The following SUGCT variants were observed in gnomAD, a reference collection of about 807,000 sequenced individuals.
The protein encoded by SUGCT is succinyl-CoA:glutarate CoA-transferase.
In SUGCT, 41 loss-of-function variants were observed where a neutral mutation model predicts 55.0. The observed-to-expected ratio is 0.74, with a 90% CI of 0.58 to 0.97. SUGCT has a LOEUF of 0.97. SUGCT is among the 50% of genes least tolerant of loss of function. The pLI is 0.00. For missense variants in SUGCT, 568 were observed against 547.8 expected (o/e 1.04, Z -0.37); for synonymous variants, 187 against 200.4 (o/e 0.93, Z 0.56).
intron 6 of SUGCT, among the ~76,000 whole-genome samples, chr7:40,196,574 T>C (rs1786302931): frequency 2.0e-5 from 3 of 152,206 alleles, no homozygotes; most frequent in Admixed American, 6.5e-5. Context: ...GAGAATGCCC[T>C]ACCCATATGG....
At chr7:40,487,502 A>G (rs975858283) in intron 11 of SUGCT, among the ~76,000 whole-genome samples, 1 of 151,850 alleles carries the variant, frequency 6.6e-6, no homozygotes, top group Non-Finnish European at 1.5e-5. Flanking sequence ...GTTGGATGGA[A>G]TGTTCTACAT....
chr7:40,832,132 G>C (rs182133745), intron 13 of SUGCT, among the ~76,000 whole-genome samples: 2 of 152,106 alleles, frequency 1.3e-5, no homozygotes, highest in Admixed American at 1.3e-4. Context: ...CCCTGTGTGC[G>C]TCCGGGTATC....
intron 12 of SUGCT, among the ~76,000 whole-genome samples, chr7:40,603,034 C>T (rs547058017): frequency 1.1e-4 from 16 of 152,290 alleles, no homozygotes; most frequent in African/African-American, 3.8e-4. Flanking sequence ...ACAGAACTCT[C>T]ATGTGAACTT....
the SUGCT span, among the ~76,000 whole-genome samples, chr7:41,002,309 C>A: frequency 6.6e-6 from 1 of 152,208 alleles, no homozygotes; most frequent in African/African-American, 2.4e-5. Flanking sequence ...GCATGAACCA[C>A]TGTGCCCGGT....
At chr7:40,234,016 G>A (rs1788869506) in intron 6 of SUGCT, among the ~76,000 whole-genome samples, 1 of 152,048 alleles carries the variant, frequency 6.6e-6, no homozygotes, top group Non-Finnish European at 1.5e-5. Context: ...GAAATACTTA[G>A]AAGTTGTAAT....
At chr7:40,905,384 GAA>G in the SUGCT span, among the ~76,000 whole-genome samples, 1 of 152,118 alleles carries the variant, frequency 6.6e-6, no homozygotes, top group Non-Finnish European at 1.5e-5. Flanking sequence ...AAATATTAAT[GAA>G]AAGAGATGAT....
At chr7:41,016,077 G>A in the SUGCT span, among the ~76,000 whole-genome samples, 1 of 152,168 alleles carries the variant, frequency 6.6e-6, no homozygotes, top group Non-Finnish European at 1.5e-5. Context: ...AGGACAAAAT[G>A]TTCCCATGTT....
chr7:40,217,505 C>A (rs1366743890), intron 6 of SUGCT: 2 of 414,184 alleles, frequency 4.8e-6, no homozygotes, highest in Admixed American at 2.7e-5. Flanking sequence ...AGCCACCGCG[C>A]CTGGCCAACT....
the SUGCT span, among the ~76,000 whole-genome samples, chr7:41,003,261 G>A: frequency 6.6e-6 from 1 of 152,138 alleles, no homozygotes; most frequent in African/African-American, 2.4e-5. Context: ...GAGCAAGCTT[G>A]TTCCATTTAC....
chr7:40,398,058 A>T (rs1294886831), intron 9 of SUGCT, among the ~76,000 whole-genome samples: 6 of 152,120 alleles, frequency 3.9e-5, no homozygotes, highest in Admixed American at 3.3e-4. Context: ...TGGGGGTCAG[A>T]GGGTTGAATA....
chr7:40,243,845 C>T (rs891411366), intron 7 of SUGCT, among the ~76,000 whole-genome samples: 2 of 152,146 alleles, frequency 1.3e-5, no homozygotes, highest in Admixed American at 1.3e-4. Context: ...ATGGCTTACA[C>T]TGAATCTGTT....
At chr7:40,389,407 A>G (rs1583576933) in intron 9 of SUGCT, among the ~76,000 whole-genome samples, 1 of 151,860 alleles carries the variant, frequency 6.6e-6, no homozygotes, top group Non-Finnish European at 1.5e-5. Context: ...AGTCATGACT[A>G]CGCCACTGTA....
At chr7:40,214,862 C>T (rs143521724) in intron 6 of SUGCT, among the ~76,000 whole-genome samples, 2,002 of 151,194 alleles carry the variant, frequency 0.013, 34 homozygotes, top group African/African-American at 0.047. Flanking sequence ...TGCAGTGAGC[C>T]GAGACCACGC....
At chr7:40,298,082 T>G (rs916956312) in intron 8 of SUGCT, among the ~76,000 whole-genome samples, 1 of 151,936 alleles carries the variant, frequency 6.6e-6, no homozygotes, top group Non-Finnish European at 1.5e-5. Flanking sequence ...TTCCTTAACC[T>G]TTTTTTCTTG....
chr7:40,738,014 A>C (rs1787265947), intron 12 of SUGCT, among the ~76,000 whole-genome samples: 1 of 151,904 alleles, frequency 6.6e-6, no homozygotes, highest in South Asian at 2.1e-4. Context: ...ATCCTGGCCA[A>C]CATGGTAAAA....
At chr7:40,439,095 T>TCC (rs1788353193) in intron 9 of SUGCT, among the ~76,000 whole-genome samples, 2 of 124,984 alleles carry the variant, frequency 1.6e-5, no homozygotes, top group Admixed American at 1.6e-4. Flanking sequence ...TATATATATA[T>TCC]ATATATATAT....
chr7:40,514,028 G>A (rs547207425), intron 12 of SUGCT, among the ~76,000 whole-genome samples: 1 of 151,986 alleles, frequency 6.6e-6, no homozygotes, highest in African/African-American at 2.4e-5. Context: ...CTGACCTCGT[G>A]ATCCGCCCGC....
chr7:40,595,444 A>G (rs1797958710), intron 12 of SUGCT, among the ~76,000 whole-genome samples: 1 of 152,188 alleles, frequency 6.6e-6, no homozygotes, highest in Non-Finnish European at 1.5e-5. Context: ...CATTGCATAC[A>G]AAGTTGGGAG....
intron 8 of SUGCT, among the ~76,000 whole-genome samples, chr7:40,293,892 C>T (rs1346037330): frequency 6.6e-6 from 1 of 152,096 alleles, no homozygotes; most frequent in East Asian, 1.9e-4. Flanking sequence ...TGTCTTTGCT[C>T]TACAGGCTAC....
Sources: allele counts gnomAD v4.1 joint callset (sites outside exome capture counted in the v4.1 genomes callset), GRCh38; gene constraint gnomAD v4.1.1; transcripts MANE v1.5; gene names NCBI Gene and HGNC (gene_info 2026-07-23, HGNC 2026-07-21).